BLTP1: variants seen among roughly 807,000 people sequenced by gnomAD.
The protein encoded by BLTP1 is bridge-like lipid transfer protein family member 1.
chr4:122,358,165 C>T, the BLTP1 span, among the ~76,000 whole-genome samples: 1 of 152,096 alleles, frequency 6.6e-6, no homozygotes, highest in African/African-American at 2.4e-5. Context: ...AATATTTAAA[C>T]TTAATGTAGA....
the BLTP1 span, chr4:122,174,275 T>G: frequency 1.0e-6 from 1 of 985,096 alleles, no homozygotes; most frequent in Non-Finnish European, 1.2e-6. Flanking sequence ...TAGTCACTAC[T>G]TTGGGTTTAT....
At chr4:122,219,274 C>T in the BLTP1 span, 1 of 1,563,438 alleles carries the variant, frequency 6.4e-7, no homozygotes, top group African/African-American at 1.4e-5. Context: ...CAAATTTAGG[C>T]TCATAGGTGA....
chr4:122,260,996 T>C, the BLTP1 span, among the ~76,000 whole-genome samples: 4 of 152,154 alleles, frequency 2.6e-5, no homozygotes, highest in Non-Finnish European at 4.4e-5. Flanking sequence ...ATGTATGTAC[T>C]TATATAGGCC....
the BLTP1 span, chr4:122,245,227 A>C: frequency 8.5e-7 from 1 of 1,179,448 alleles, no homozygotes; most frequent in Non-Finnish European, 1.2e-6. Context: ...TTTCTTTACA[A>C]GTTAAATCAG....
the BLTP1 span, chr4:122,185,945 G>T: frequency 2.0e-6 from 2 of 996,624 alleles, no homozygotes; most frequent in South Asian, 5.1e-5. Flanking sequence ...AAAATAAATT[G>T]AATTACTTTG....
chr4:122,204,121 G>A, the BLTP1 span, among the ~76,000 whole-genome samples: 2 of 151,702 alleles, frequency 1.3e-5, no homozygotes, highest in African/African-American at 2.4e-5. Flanking sequence ...TTCTTGTTTT[G>A]TATTATTTGT....
At chr4:122,280,616 C>CT in the BLTP1 span, among the ~76,000 whole-genome samples, 1 of 148,348 alleles carries the variant, frequency 6.7e-6, no homozygotes, top group Admixed American at 6.8e-5. Context: ...TGAGCCAAGA[C>CT]TGCACCATTG....
chr4:122,244,411 C>T, the BLTP1 span, among the ~76,000 whole-genome samples: 4 of 152,012 alleles, frequency 2.6e-5, no homozygotes, highest in African/African-American at 9.7e-5. Flanking sequence ...CCCACAAATA[C>T]TGTATTCTGA....
At chr4:122,353,444 A>G in the BLTP1 span, among the ~76,000 whole-genome samples, 10 of 152,196 alleles carry the variant, frequency 6.6e-5, no homozygotes, top group Non-Finnish European at 7.3e-5. The surrounding 1 kb of genome is among the most constrained non-coding windows in gnomAD (Gnocchi z 4.3). Context: ...AGTGAAGGCA[A>G]CATAGTGGTA....
At chr4:122,232,450 A>G in the BLTP1 span, among the ~76,000 whole-genome samples, 1 of 152,134 alleles carries the variant, frequency 6.6e-6, no homozygotes, top group Non-Finnish European at 1.5e-5. Context: ...CGCTAAATCT[A>G]GCAACTCTGT....
chr4:122,179,835 C>T, the BLTP1 span: 1 of 984,942 alleles, frequency 1.0e-6, no homozygotes, highest in Non-Finnish European at 1.2e-6. Context: ...ACTGTATCCC[C>T]CTCACAGAGA....
At chr4:122,335,612 C>A in the BLTP1 span, among the ~76,000 whole-genome samples, 75 of 152,196 alleles carry the variant, frequency 4.9e-4, 1 homozygote, top group African/African-American at 1.6e-3. Flanking sequence ...GCTATTAACC[C>A]CTTTTATAAA....
the BLTP1 span, among the ~76,000 whole-genome samples, chr4:122,264,720 T>C: frequency 2.6e-5 from 4 of 152,236 alleles, no homozygotes; most frequent in African/African-American, 7.2e-5. Context: ...CCTATGGTTT[T>C]TAGTGCTACG....
chr4:122,308,799 A>T, the BLTP1 span, among the ~76,000 whole-genome samples: 2 of 152,228 alleles, frequency 1.3e-5, no homozygotes, highest in African/African-American at 4.8e-5. Flanking sequence ...GTTACAATTT[A>T]CCTTAATAAC....
the BLTP1 span, chr4:122,325,167 A>G: frequency 6.8e-7 from 1 of 1,470,518 alleles, no homozygotes; most frequent in South Asian, 1.3e-5. Context: ...TCAGACTTTT[A>G]TAAAGTCCAG....
At chr4:122,179,270 AAAATAAAT>A in the BLTP1 span, among the ~76,000 whole-genome samples, 15 of 152,078 alleles carry the variant, frequency 9.9e-5, no homozygotes, top group African/African-American at 2.4e-4. Flanking sequence ...TTTTCTCTAA[AAAATAAAT>A]AAATAAATAA....
chr4:122,352,802 T>C, the BLTP1 span: 1 of 1,419,678 alleles, frequency 7.0e-7, no homozygotes, highest in East Asian at 2.3e-5. Flanking sequence ...TTTTCATCCC[T>C]CACCTGAGAC....
At chr4:122,302,236 C>T in the BLTP1 span, 1 of 977,174 alleles carries the variant, frequency 1.0e-6, no homozygotes, top group Non-Finnish European at 1.2e-6. Flanking sequence ...GAAAAAATTG[C>T]TACTAACACG....
At chr4:122,159,544 G>GT in the BLTP1 span, among the ~76,000 whole-genome samples, 1 of 151,836 alleles carries the variant, frequency 6.6e-6, no homozygotes, top group Non-Finnish European at 1.5e-5. Flanking sequence ...GGACTTTATT[G>GT]TTTTTTAGCT....
Sources: allele counts gnomAD v4.1 joint callset (sites outside exome capture counted in the v4.1 genomes callset), GRCh38; gene constraint gnomAD v4.1.1; non-coding constraint Gnocchi (gnomAD v3.1); transcripts MANE v1.5; gene names NCBI Gene and HGNC (gene_info 2026-07-23, HGNC 2026-07-21).